Variants in ADAMTSL1 observed in about 807,000 individuals in gnomAD.
The protein encoded by ADAMTSL1 is ADAMTS like 1.
Under a neutral mutation model 201.8 loss-of-function variants are expected in ADAMTSL1, and 126 were observed. The ratio of observed to expected loss-of-function variants is 0.62; its 90% CI spans 0.54 to 0.72. The LOEUF (loss-of-function observed/expected upper bound fraction) is 0.72, where lower values mean the gene tolerates loss of function less well. Among genes scored for constraint, ADAMTSL1 ranks in the 30% least tolerant of loss-of-function variants. The pLI, the probability that ADAMTSL1 is intolerant of heterozygous loss-of-function variation, is 0.00. For synonymous variants in ADAMTSL1, 1,121 were observed against 903.4 expected (o/e 1.24, Z -4.32); for missense variants, 2,679 against 2,277.8 (o/e 1.18, Z -3.59).
At chr9:18,179,833 T>A (rs1828371385) in intron 2 of ADAMTSL1, among the ~76,000 whole-genome samples, 2 of 151,836 alleles carry the variant, frequency 1.3e-5, no homozygotes, top group Non-Finnish European at 2.9e-5. Context: ...GCTGAGAGAT[T>A]TTGTCACCAC....
chr9:18,238,389 G>A (rs1045769255), intron 2 of ADAMTSL1, among the ~76,000 whole-genome samples: 6 of 152,082 alleles, frequency 3.9e-5, no homozygotes, highest in Non-Finnish European at 8.8e-5. Context: ...TGCCAAGTTC[G>A]AATCACATCC....
At chr9:18,300,017 T>A (rs1235642248) in intron 2 of ADAMTSL1, among the ~76,000 whole-genome samples, 1 of 152,060 alleles carries the variant, frequency 6.6e-6, no homozygotes, top group East Asian at 1.9e-4. Flanking sequence ...TTGGTGGGAG[T>A]GTAAATTAGT....
intron 3 of ADAMTSL1, among the ~76,000 whole-genome samples, chr9:18,540,752 C>T (rs749540811): frequency 2.0e-5 from 3 of 152,168 alleles, no homozygotes; most frequent in Admixed American, 6.5e-5. Context: ...GTCTGCCAGT[C>T]TCAGGTGAAA....
At chr9:18,032,554 G>C (rs1472401359) in intron 1 of ADAMTSL1, among the ~76,000 whole-genome samples, 2 of 152,180 alleles carry the variant, frequency 1.3e-5, no homozygotes, top group Non-Finnish European at 2.9e-5. Context: ...TAGTACCATG[G>C]GAGAGGTAGC....
chr9:18,633,638 C>CAT (rs373587282), intron 5 of ADAMTSL1, among the ~76,000 whole-genome samples: 3 of 123,792 alleles, frequency 2.4e-5, no homozygotes, highest in Admixed American at 8.5e-5. Context: ...CTAATCTTAA[C>CAT]TTTTTTTTTT....
chr9:18,082,974 G>A (rs1011484500), intron 1 of ADAMTSL1, among the ~76,000 whole-genome samples: 1 of 152,168 alleles, frequency 6.6e-6, no homozygotes, highest in African/African-American at 2.4e-5. Context: ...AGTACTGCCA[G>A]GAAGCTGGAC....
chr9:18,817,197 A>C lies in ADAMTSL1; in HGVS notation c.3894A>C (p.Thr1298=). The change falls in exon 21 of 29, where the codon ACA becomes ACC. Residue 1298 remains threonine, a synonymous_variant. Transcript: ENST00000380548. Reference sequence around the variant, plus strand: ...TCGATATAGGAAGCACCATCAAAACAGTGCAGGGAGTGAATGTGACAATCA... The same window carrying C: ...TCGATATAGGAAGCACCATCAAAACCGTGCAGGGAGTGAATGTGACAATCA... ...VTVDIGSTIK[T]VQGVNVTINC... is the part of the protein sequence containing the mutation. The C allele has an allele frequency of 6.4e-7, 1 of 1,566,304 alleles. No homozygotes were observed. Among genetic ancestry groups the C allele is most frequent in the Non-Finnish European group, 8.7e-7 (1 of 1,154,634 alleles).
chr9:18,005,949 T>C (rs1447866416), intron 1 of ADAMTSL1, among the ~76,000 whole-genome samples: 2 of 151,982 alleles, frequency 1.3e-5, no homozygotes, highest in Non-Finnish European at 2.9e-5. Flanking sequence ...ATCTATCTCA[T>C]AGACTTATTG....
chr9:18,239,394 AT>A lies in ADAMTSL1; in HGVS notation c.207+75416del. 2.0e-5 allele frequency among the ~76,000 whole-genome samples: 3 copies of A among 152,290 alleles called. No homozygotes were observed. The East Asian group carries it at 5.8e-4, about 29-fold the overall frequency. Reference sequence around the variant, plus strand: ...GAAATATTTTAAGTAATTTGTTGCCATTTCAAGAGACTTCACAGCATCTTCA... The same window carrying A: ...GAAATATTTTAAGTAATTTGTTGCCATTCAAGAGACTTCACAGCATCTTCA... On this transcript the variant is annotated intron_variant, in intron 2 of 29. Transcript: ENST00000680146.
chr9:18,686,573 A>G (rs908786289), intron 13 of ADAMTSL1, among the ~76,000 whole-genome samples: 6 of 152,202 alleles, frequency 3.9e-5, no homozygotes, highest in African/African-American at 9.6e-5. Context: ...GACTCCTTTT[A>G]TATCCTATTG....
chr9:18,442,026 C>A (rs1022885809), intron 2 of ADAMTSL1, among the ~76,000 whole-genome samples: 2 of 152,190 alleles, frequency 1.3e-5, no homozygotes, highest in African/African-American at 2.4e-5. Flanking sequence ...ACACACCTAA[C>A]AATTGTGAAT....
chr9:18,802,179 G>A (rs1015050995), intron 20 of ADAMTSL1, among the ~76,000 whole-genome samples: 1 of 152,138 alleles, frequency 6.6e-6, no homozygotes, highest in African/African-American at 2.4e-5. Flanking sequence ...GGGAGGCTGA[G>A]GCAGGAGGAT....
chr9:18,194,698 T>C (rs1010946123), intron 2 of ADAMTSL1, among the ~76,000 whole-genome samples: 2 of 152,064 alleles, frequency 1.3e-5, no homozygotes, highest in Non-Finnish European at 2.9e-5. Flanking sequence ...CAAATTGATA[T>C]TTGTAGAACC....
chr9:18,383,955 G>GT (rs1837674345), intron 2 of ADAMTSL1, among the ~76,000 whole-genome samples: 1 of 152,138 alleles, frequency 6.6e-6, no homozygotes, highest in African/African-American at 2.4e-5. Flanking sequence ...TTCTGCATTT[G>GT]TAACAGGCTG....
intron 1 of ADAMTSL1, among the ~76,000 whole-genome samples, chr9:17,922,321 C>G (rs1826337973): frequency 6.6e-6 from 1 of 152,084 alleles, no homozygotes. Context: ...CTTAAGGACT[C>G]TTTAGTCTTG....
At chr9:18,209,842 C>A (rs1397005942) in intron 2 of ADAMTSL1, among the ~76,000 whole-genome samples, 1 of 152,060 alleles carries the variant, frequency 6.6e-6, no homozygotes, top group Admixed American at 6.6e-5. Flanking sequence ...AGTACCTATA[C>A]CAGCTTGCCT....
upstream of ADAMTSL1, chr9:18,473,994 T>A: frequency 2.1e-6 from 1 of 466,630 alleles, no homozygotes; most frequent in Non-Finnish European, 3.8e-6. Flanking sequence ...GGCTTTGTTA[T>A]TCAGCATGTC....
intron 5 of ADAMTSL1, among the ~76,000 whole-genome samples, chr9:18,624,653 T>C (rs1403921487): frequency 1.3e-5 from 2 of 152,182 alleles, no homozygotes; most frequent in African/African-American, 4.8e-5. Flanking sequence ...TCTAGACTAC[T>C]GTGCTCAGAT....
At chr9:18,178,509 C>A (rs1453690128) in intron 2 of ADAMTSL1, among the ~76,000 whole-genome samples, 1 of 151,466 alleles carries the variant, frequency 6.6e-6, no homozygotes, top group South Asian at 2.1e-4. Context: ...GAAGCTCGAA[C>A]TGGGTGGAGC....
Sources: allele counts gnomAD v4.1 joint callset (sites outside exome capture counted in the v4.1 genomes callset), GRCh38; gene constraint gnomAD v4.1.1; transcripts MANE v1.5; gene names NCBI Gene and HGNC (gene_info 2026-07-23, HGNC 2026-07-21).